MYH11: variants seen among roughly 807,000 people sequenced by gnomAD.
The protein encoded by MYH11 is myosin-11.
In MYH11, 80 loss-of-function variants were observed where a neutral mutation model predicts 246.6. The ratio of observed to expected loss-of-function variants is 0.32; its 90% CI spans 0.27 to 0.39. MYH11 has a LOEUF of 0.39. Among genes scored for constraint, MYH11 ranks in the 10% least tolerant of loss-of-function variants. The pLI is 1.00. For synonymous variants in MYH11, 1,071 were observed against 1,015.5 expected (o/e 1.05, Z -1.04); for missense variants, 2,158 against 2,546.8 (o/e 0.85, Z 3.29).
chr16:15,737,221 A>AT (rs2041144264), intron 25 of MYH11, among the ~76,000 whole-genome samples: 2 of 152,176 alleles, frequency 1.3e-5, no homozygotes, highest in African/African-American at 2.4e-5. Context: ...AGGTGAGATC[A>AT]ACTGCAAAGA....
rs1344687075 is a variant in MYH11 at position 15,807,287 on chromosome 16, C to T, written c.503-8600G>A. On this transcript the variant is annotated intron_variant, in intron 3 of 40. Transcript: ENST00000300036. ...AAATCACAGGCTCAAGCCAATGCAC[C>T]GAGCTTCATGACTTGCTTATCCTTG... Among the ~76,000 whole-genome samples the T allele has an allele frequency of 5.3e-5, 8 of 152,094 alleles. 1 individual carries two copies. The South Asian group carries it at 1.0e-3, about 20-fold the overall frequency.
chr16:15,703,602 G>C lies in MYH11; in HGVS notation c.*389C>G, dbSNP rs886051734. ...AGGGGTAGTAGGGGTGGTGGTGGTG[G>C]TGGTGGTTGAGACAGGGTCTCTGTT... On this transcript the variant is annotated 3_prime_UTR_variant, in exon 41 of 41. Transcript: ENST00000300036. The C allele has an allele frequency of 2.9e-5, 11 of 383,430 alleles. No individual in the cohort carries two copies. Among genetic ancestry groups the C allele is most frequent in the Non-Finnish European group, 5.4e-5 (11 of 203,706 alleles). The allele number at this position is 383,430 out of a possible 1,614,324, so 23.8% of individuals were successfully genotyped here. A position where few individuals can be genotyped will look rare whatever the true frequency, so the allele number is the denominator to read the frequency against.
chr16:15,760,076 A>G (rs2041833044), intron 11 of MYH11, among the ~76,000 whole-genome samples: 1 of 151,950 alleles, frequency 6.6e-6, no homozygotes, highest in African/African-American at 2.4e-5. Flanking sequence ...CCCCCTGGGC[A>G]ACAGAGCAAG....
intron 31 of MYH11, 144 bp from the exon 32 acceptor site, chr16:15,721,778 A>C (rs891853015): frequency 3.8e-6 from 3 of 793,822 alleles, no homozygotes; most frequent in Admixed American, 2.3e-5. Context: ...GGAGTAATTT[A>C]TATAATCATC....
chr16:15,831,227 C>CAACCACAG (rs1318928661), intron 2 of MYH11, among the ~76,000 whole-genome samples: 1 of 152,024 alleles, frequency 6.6e-6, no homozygotes, highest in Non-Finnish European at 1.5e-5. Context: ...ATGTAACCAG[C>CAACCACAG]AACCACAGTG....
intron 20 of MYH11, among the ~76,000 whole-genome samples, chr16:15,742,608 G>A (rs1330264564): frequency 6.6e-6 from 1 of 151,970 alleles, no homozygotes; most frequent in African/African-American, 2.4e-5. Context: ...GTGTGTGCCT[G>A]TAGTCCCAGC....
chr16:15,752,887 TAAAC>T lies in MYH11; in HGVS notation c.1864+503_1864+506del, dbSNP rs200555100. ...AAGCAAGACTCTGTCCCTAAATAAA[TAAAC>T]AAAGCCTTCCAGGGGGTCATGATGC... On this transcript the variant is annotated intron_variant, in intron 15 of 40. Transcript: ENST00000300036. 4.9e-4 allele frequency among the ~76,000 whole-genome samples: 74 copies of T among 152,124 alleles called. 1 individual carries two copies. In the East Asian group the frequency reaches 0.01, roughly 21 times the overall value.
intron 2 of MYH11, among the ~76,000 whole-genome samples, chr16:15,826,863 C>A (rs1349272834): frequency 6.6e-6 from 1 of 151,482 alleles, no homozygotes; most frequent in Non-Finnish European, 1.5e-5. Flanking sequence ...CATGGTGGCA[C>A]ATGCCTGTAG....
chr16:15,717,464 CCCTGTCCTCTCCTTCAT>C, intron 37 of MYH11, 116 bp from the exon 38 acceptor site: 2 of 1,039,896 alleles, frequency 1.9e-6, no homozygotes, highest in South Asian at 2.8e-5. Context: ...ATCCCGGGCA[CCCTGTCCTCTCCTTCAT>C]CCTGTAAAAC....
At chr16:15,725,229 C>T in intron 28 of MYH11, 1 of 603,564 alleles carries the variant, frequency 1.7e-6, no homozygotes. Context: ...TGGCCCTAGA[C>T]TCTGTGGTTC....
intron 10 of MYH11, 53 bp downstream of exon 10, chr16:15,763,743 C>CGGG: frequency 1.0e-5 from 6 of 582,094 alleles, no homozygotes; most frequent in Non-Finnish European, 1.7e-5. Context: ...ATGTCACCTC[C>CGGG]CCCACCCCCC....
intron 3 of MYH11, among the ~76,000 whole-genome samples, chr16:15,813,742 C>T (rs958535747): frequency 1.1e-4 from 17 of 151,980 alleles, no homozygotes; most frequent in African/African-American, 3.9e-4. Flanking sequence ...CCTGGAATCC[C>T]AGCTCTTAGG....
At chr16:15,855,135 A>C (rs1349886867) in intron 1 of MYH11, among the ~76,000 whole-genome samples, 1 of 152,168 alleles carries the variant, frequency 6.6e-6, no homozygotes, top group Admixed American at 6.5e-5. Context: ...GTACGGAATA[A>C]CACATCTATT....
rs1454079560 is a variant in MYH11 at position 15,750,695 on chromosome 16, C to T, written c.1865-364G>A. On this transcript the variant is annotated intron_variant, in intron 15 of 40. Coordinates refer to ENST00000300036, the MANE Select transcript of MYH11 (RefSeq NM_002474.3). This position sits in a 1 kb window ranked among gnomAD's most constrained non-coding sequence, Gnocchi z 4.3. Reference sequence around the variant, plus strand: ...AGGGCAGGGGTAAAAAAAAATAAGGCACAGAAGGCACTTATTCCCTGCCAG... The same window carrying T: ...AGGGCAGGGGTAAAAAAAAATAAGGTACAGAAGGCACTTATTCCCTGCCAG... Among the ~76,000 whole-genome samples the T allele has an allele frequency of 6.6e-6, 1 of 151,976 alleles. No individual in the cohort carries two copies. The highest frequency in any genetic ancestry group is 1.9e-4 in the East Asian group (1 of 5,184).
rs541503223 is a variant in MYH11 at position 15,707,192 on chromosome 16, A to C, written c.5787-3069T>G. ...TAACTGGGACTACAGACATGCCACC[A>C]CTCCTGGCTAATTTTTGTATTTTTA... On this transcript the variant is annotated intron_variant, in intron 40 of 40. Transcript: ENST00000300036. 4.0e-5 allele frequency among the ~76,000 whole-genome samples: 6 copies of C among 151,506 alleles called. No individual in the cohort carries two copies. In the South Asian group the frequency reaches 1.3e-3, roughly 32 times the overall value.
chr16:15,771,557 T>G lies in MYH11; in HGVS notation c.1033+12A>C. ...GGCAAGCTACCCTCCAGACTCAAGGTGTGAGGCTTACATAGCTGCTCCTCC... is the reference window on the plus strand; with the variant it reads ...GGCAAGCTACCCTCCAGACTCAAGGGGTGAGGCTTACATAGCTGCTCCTCC... On this transcript the variant is annotated intron_variant, in intron 9 of 40. Coordinates refer to ENST00000300036, the MANE Select transcript of MYH11 (RefSeq NM_002474.3). 6.2e-7 allele frequency: 1 copy of G among 1,612,690 alleles called. No individual in the cohort carries two copies.
At chr16:15,802,459 A>G (rs1007177251) in intron 3 of MYH11, among the ~76,000 whole-genome samples, 2 of 152,178 alleles carry the variant, frequency 1.3e-5, no homozygotes, top group Non-Finnish European at 2.9e-5. Context: ...TTGACTAACC[A>G]ATTGATTGAG....
At chr16:15,800,785 T>C (rs972314368) in intron 3 of MYH11, among the ~76,000 whole-genome samples, 6 of 152,008 alleles carry the variant, frequency 3.9e-5, no homozygotes, top group Non-Finnish European at 8.8e-5. Context: ...ATCAGTTCTC[T>C]CTCTCTTCCC....
chr16:15,733,197 A>C (rs2041016873), intron 26 of MYH11, among the ~76,000 whole-genome samples: 1 of 152,188 alleles, frequency 6.6e-6, no homozygotes. Context: ...TGATGGAGCC[A>C]GAATTAGAAG....
Sources: gnomAD v4.1 joint callset for allele counts (sites outside exome capture counted in the v4.1 genomes callset) on GRCh38, gnomAD v4.1.1 for gene constraint, Gnocchi (gnomAD v3.1) non-coding constraint, MANE v1.5 for transcripts, NCBI Gene and HGNC (gene_info 2026-07-23, HGNC 2026-07-21) for gene names.